RNF111: variants seen among roughly 807,000 people sequenced by gnomAD.
RNF111 encodes ring finger protein 111.
In RNF111, 17 loss-of-function variants were observed where a neutral mutation model predicts 95.1. The ratio of observed to expected loss-of-function variants is 0.18; its 90% CI spans 0.12 to 0.27. RNF111 has a LOEUF of 0.27. Ranked by LOEUF, RNF111 falls within the 10% of genes least tolerant of loss-of-function variation. The pLI is 1.00. For missense variants in RNF111, 1,189 were observed against 1,210.4 expected (o/e 0.98, Z 0.26); for synonymous variants, 440 against 414.8 (o/e 1.06, Z -0.74).
chr15:58,994,807 A>ACATTATGCCCATTACATTG (rs1436039558), intron 1 of RNF111, among the ~76,000 whole-genome samples: 3 of 152,188 alleles, frequency 2.0e-5, no homozygotes, highest in Non-Finnish European at 2.9e-5. Context: ...TAAATTGCTT[A>ACATTATGCCCATTACATTG]CATTATGCCC....
chr15:59,059,850 G>C (rs1424545220), intron 5 of RNF111, among the ~76,000 whole-genome samples: 2 of 152,038 alleles, frequency 1.3e-5, no homozygotes, highest in African/African-American at 4.8e-5. Context: ...TGTAGCTTGT[G>C]GATTGACTAA....
intron 5 of RNF111, among the ~76,000 whole-genome samples, chr15:59,064,008 T>A (rs1430447233): frequency 2.6e-5 from 4 of 152,210 alleles, no homozygotes; most frequent in Non-Finnish European, 4.4e-5. Flanking sequence ...CTGAAAATGC[T>A]GTAGCAAGTA....
chr15:59,013,969 T>C (rs1325036780), intron 1 of RNF111, among the ~76,000 whole-genome samples: 1 of 152,054 alleles, frequency 6.6e-6, no homozygotes, highest in Non-Finnish European at 1.5e-5. Flanking sequence ...TTGTATTTTT[T>C]AGTGGAGACA....
At chr15:58,994,473 CTTTTTT>C (rs35787227) in intron 1 of RNF111, among the ~76,000 whole-genome samples, 1 of 69,524 alleles carries the variant, frequency 1.4e-5, no homozygotes, top group East Asian at 4.0e-4. Flanking sequence ...TTTTCTCTCT[CTTTTTT>C]TTTTTTTTTT....
In RNF111 at chr15:59,009,548, T is replaced by C. The variant is rs188691460; in HGVS notation, c.-19-21256T>C. On this transcript the variant is annotated intron_variant, in intron 1 of 13. Coordinates refer to ENST00000348370, the MANE Select transcript of RNF111 (RefSeq NM_017610.8). ...TTGATAATTTCAGATCAGAAAACTT[T>C]GATATTTGAGTCTGAAGAAAGGTGA... is the stretch of plus-strand genomic sequence containing the variant. Among the ~76,000 whole-genome samples, 311 of 151,588 alleles carry C rather than the reference T, an allele frequency of 2.1e-3. 1 individual carries two copies. Among genetic ancestry groups the C allele is most frequent in the African/African-American group, 7.4e-3 (304 of 41,308 alleles).
chr15:59,017,861 G>C (rs747151813), intron 1 of RNF111, among the ~76,000 whole-genome samples: 3 of 148,784 alleles, frequency 2.0e-5, no homozygotes, highest in African/African-American at 7.5e-5. Context: ...GGGTTCAAAC[G>C]ATTCTCCTGC....
chr15:59,023,073 C>A (rs1161739278), intron 1 of RNF111, among the ~76,000 whole-genome samples: 2 of 152,126 alleles, frequency 1.3e-5, no homozygotes, highest in Non-Finnish European at 2.9e-5. Context: ...GTGGTGAAAC[C>A]CTGTCTCTAC....
At chr15:59,044,817 T>G (rs1252681023) in intron 2 of RNF111, among the ~76,000 whole-genome samples, 8 of 152,230 alleles carry the variant, frequency 5.3e-5, no homozygotes, top group African/African-American at 1.9e-4. Flanking sequence ...TTTGAAATGT[T>G]TCCCTTTTAA....
At chr15:59,051,111 T>G (rs541078010) in intron 2 of RNF111, among the ~76,000 whole-genome samples, 1 of 152,310 alleles carries the variant, frequency 6.6e-6, no homozygotes, top group South Asian at 2.1e-4. Flanking sequence ...TAAATAAGGA[T>G]GCACTTTCCA....
chr15:59,018,693 C>T lies in RNF111; in HGVS notation c.-19-12111C>T, dbSNP rs187264619. 4.3e-4 allele frequency among the ~76,000 whole-genome samples: 65 copies of T among 152,134 alleles called. 2 individuals are homozygous for T. The highest frequency in any genetic ancestry group is 3.3e-3 in the Admixed American group (51 of 15,290). On this transcript the variant is annotated intron_variant, in intron 1 of 13. Coordinates refer to ENST00000348370, the MANE Select transcript of RNF111 (RefSeq NM_017610.8). ...GCATATATTAATATAAGTTGTTTTA[C>T]GAAGAAGAATCCTATAATAGCAGAC...
intron 1 of RNF111, among the ~76,000 whole-genome samples, chr15:59,014,936 G>A (rs554907327): frequency 1.3e-5 from 2 of 152,034 alleles, no homozygotes; most frequent in Admixed American, 6.6e-5. Context: ...TATTTTTTTA[G>A]AGACAGAGTT....
chr15:59,003,813 C>T (rs2039427162), intron 1 of RNF111, among the ~76,000 whole-genome samples: 1 of 152,178 alleles, frequency 6.6e-6, no homozygotes, highest in Non-Finnish European at 1.5e-5. Flanking sequence ...GTGGCTGATG[C>T]CAGTGCCTAA....
chr15:59,058,192 T>C (rs572887851), intron 4 of RNF111, among the ~76,000 whole-genome samples, 164 bp from the exon 5 acceptor site: 31 of 152,370 alleles, frequency 2.0e-4, no homozygotes, highest in Middle Eastern at 3.4e-3. Flanking sequence ...CTGTTCGATA[T>C]TGCAGTTTAG....
intron 6 of RNF111, among the ~76,000 whole-genome samples, chr15:59,070,059 T>A (rs200719880): frequency 0.13 from 13,377 of 100,476 alleles, 2,053 homozygotes; most frequent in East Asian, 0.26. Context: ...TTTTTTTTTT[T>A]AGAGAGGATC....
At chr15:59,032,471 G>A (rs777386115) in intron 2 of RNF111, among the ~76,000 whole-genome samples, 24 of 152,080 alleles carry the variant, frequency 1.6e-4, no homozygotes, top group Non-Finnish European at 8.8e-5. Context: ...GCTCAGGCTG[G>A]AGTATAGTGA....
chr15:59,022,682 A>G (rs185718976), intron 1 of RNF111, among the ~76,000 whole-genome samples: 67 of 152,182 alleles, frequency 4.4e-4, no homozygotes, highest in African/African-American at 1.6e-3. Flanking sequence ...TTCACACTCC[A>G]TATAAATCAT....
chr15:59,070,029 CTTTTTTTTTTTTTTTTT>C (rs1189748185), intron 6 of RNF111, among the ~76,000 whole-genome samples: 583 of 22,692 alleles, frequency 0.026, 33 homozygotes, highest in African/African-American at 0.13. Flanking sequence ...CCACCTCCTG[CTTTTTTTTTTTTTTTTT>C]TTTTTTTTTT....
intron 1 of RNF111, among the ~76,000 whole-genome samples, chr15:59,028,052 C>G (rs1394601725): frequency 6.6e-6 from 1 of 152,124 alleles, no homozygotes; most frequent in Non-Finnish European, 1.5e-5. Context: ...GCCTCGAACT[C>G]CTGACCTCAG....
At chr15:59,024,282 C>T (rs2040491700) in intron 1 of RNF111, among the ~76,000 whole-genome samples, 1 of 151,852 alleles carries the variant, frequency 6.6e-6, no homozygotes, top group African/African-American at 2.4e-5. Context: ...GTTTTACTTC[C>T]TTCCTTTTAC....
Sources: gnomAD v4.1 joint callset for allele counts (sites outside exome capture counted in the v4.1 genomes callset) on GRCh38, gnomAD v4.1.1 for gene constraint, MANE v1.5 for transcripts, NCBI Gene and HGNC (gene_info 2026-07-23, HGNC 2026-07-21) for gene names.